NRXN3: variants seen among roughly 807,000 people sequenced by gnomAD.
The protein encoded by NRXN3 is neurexin 3, also known as neurexin III.
Under a neutral mutation model 137.6 loss-of-function variants are expected in NRXN3, and 32 were observed. The ratio of observed to expected loss-of-function variants is 0.23; its 90% confidence interval spans 0.18 to 0.31. The LOEUF (loss-of-function observed/expected upper bound fraction) is 0.31. NRXN3 is among the 10% of genes least tolerant of loss of function. The pLI is 1.00. For missense variants in NRXN3, 1,574 were observed against 2,062.5 expected (o/e 0.76, Z 4.59); for synonymous variants, 798 against 784.5 (o/e 1.02, Z -0.29).
intron 4 of NRXN3, among the ~76,000 whole-genome samples, chr14:78,484,601 G>A (rs1444831536): frequency 1.3e-5 from 2 of 152,288 alleles, no homozygotes; most frequent in Admixed American, 1.3e-4. Context: ...CTGCATATGA[G>A]GGAGTGGTAC....
At position 79,142,090 on chromosome 14, in the gene NRXN3, C is replaced by A. The variant is rs1476134383; in HGVS notation, c.3262+153949C>A. On this transcript the variant is annotated intron_variant, in intron 15 of 20. Coordinates refer to ENST00000335750, the MANE Select transcript of NRXN3 (RefSeq NM_001330195.2). ...ACGGAAAGCCCCCAAGTGAGGGTGCCATTTGAATTGAGTATAAAATGATGA... is the reference window on the plus strand; with the variant it reads ...ACGGAAAGCCCCCAAGTGAGGGTGCAATTTGAATTGAGTATAAAATGATGA... Among the ~76,000 whole-genome samples the A allele has an allele frequency of 3.9e-5, 6 of 152,076 alleles. No individual in the cohort carries two copies. The South Asian group carries it at 6.2e-4, about 16-fold the overall frequency.
chr14:79,364,588 G>T (rs2153423756), intron 15 of NRXN3, among the ~76,000 whole-genome samples: 1 of 151,994 alleles, frequency 6.6e-6, no homozygotes, highest in East Asian at 1.9e-4. Flanking sequence ...CCAAACAAAA[G>T]AAAAATTAAT....
chr14:78,871,023 T>A lies in NRXN3; in HGVS notation c.2275+60679T>A, dbSNP rs889814595. Among the ~76,000 whole-genome samples the A allele has an allele frequency of 2.0e-4, 30 of 150,434 alleles. 2 individuals are homozygous for A. Among genetic ancestry groups the A allele is most frequent in the Non-Finnish European group, 3.7e-4 (25 of 67,628 alleles). ...ATTGTAAATAGTGCTGTAATAAACA[T>A]GGGAGTGCAGATATCTCTTTGATAT... On this transcript the variant is annotated intron_variant, in intron 10 of 20. Coordinates refer to ENST00000335750, the MANE Select transcript of NRXN3 (RefSeq NM_001330195.2).
intron 19 of NRXN3, among the ~76,000 whole-genome samples, chr14:79,779,912 T>C (rs924905724): frequency 2.0e-5 from 3 of 152,184 alleles, no homozygotes; most frequent in African/African-American, 7.2e-5. Flanking sequence ...TTGTCCAGGC[T>C]GGAGTGCAGT....
At chr14:79,290,167 T>TA (rs1436612357) in intron 15 of NRXN3, among the ~76,000 whole-genome samples, 1 of 152,164 alleles carries the variant, frequency 6.6e-6, no homozygotes, top group Non-Finnish European at 1.5e-5. Context: ...TTTTGCTACA[T>TA]AAAAAACTAA....
At chr14:78,781,274 G>A (rs1270466979) in intron 8 of NRXN3, among the ~76,000 whole-genome samples, 3 of 152,140 alleles carry the variant, frequency 2.0e-5, no homozygotes, top group Non-Finnish European at 4.4e-5. Context: ...GCATGGACAT[G>A]ACGAATGTCC....
At chr14:79,666,611 C>A (rs1164507539) in intron 17 of NRXN3, among the ~76,000 whole-genome samples, 2 of 151,986 alleles carry the variant, frequency 1.3e-5, no homozygotes, top group Non-Finnish European at 2.9e-5. Context: ...TCCAATTGGG[C>A]AGTTTTCACT....
chr14:79,006,644 T>C (rs1298285262), intron 15 of NRXN3, among the ~76,000 whole-genome samples: 1 of 152,192 alleles, frequency 6.6e-6, no homozygotes. Flanking sequence ...CCTCTTTTTC[T>C]ATTATCCAGA....
At chr14:78,461,934 T>G (rs541255511) in intron 4 of NRXN3, among the ~76,000 whole-genome samples, 1 of 152,336 alleles carries the variant, frequency 6.6e-6, no homozygotes, top group East Asian at 1.9e-4. Context: ...TTTCTTCCAT[T>G]GAGCAGGCAG....
intron 15 of NRXN3, among the ~76,000 whole-genome samples, chr14:79,432,067 C>T (rs557875944): frequency 2.9e-4 from 44 of 152,100 alleles, no homozygotes; most frequent in South Asian, 2.3e-3. Context: ...CAATAATTAC[C>T]GAATTAATTA....
intron 8 of NRXN3, among the ~76,000 whole-genome samples, chr14:78,777,374 A>T (rs1188368267): frequency 6.6e-6 from 1 of 152,218 alleles, no homozygotes; most frequent in East Asian, 1.9e-4. Context: ...AAATACAGCT[A>T]ATATAAGTCG....
chr14:79,758,859 A>G (rs1473979981), intron 19 of NRXN3, among the ~76,000 whole-genome samples: 1 of 152,194 alleles, frequency 6.6e-6, no homozygotes, highest in Non-Finnish European at 1.5e-5. Context: ...TTGGTTTTCT[A>G]GCATGGGTTG....
At chr14:78,955,123 A>G (rs2099394523) in intron 10 of NRXN3, among the ~76,000 whole-genome samples, 1 of 152,222 alleles carries the variant, frequency 6.6e-6, no homozygotes, top group African/African-American at 2.4e-5. Flanking sequence ...CCGTACTTGT[A>G]GCAGTTCTGC....
chr14:79,394,135 T>G lies in NRXN3; in HGVS notation c.3263-73086T>G, dbSNP rs144737522. 8.1e-3 allele frequency among the ~76,000 whole-genome samples: 1,241 copies of G among 152,286 alleles called. 12 individuals carry two copies. The highest frequency in any genetic ancestry group is 0.028 in the African/African-American group (1,174 of 41,568). On this transcript the variant is annotated intron_variant, in intron 15 of 20. Coordinates refer to ENST00000335750, the MANE Select transcript of NRXN3 (RefSeq NM_001330195.2). Reference sequence around the variant, plus strand: ...AGAGAAATATAAAAATAAAAGATAGTGAAATCTTTTTAAAAATTGTGTTGA... The same window carrying G: ...AGAGAAATATAAAAATAAAAGATAGGGAAATCTTTTTAAAAATTGTGTTGA...
chr14:78,271,310 C>A (rs1439622287), intron 2 of NRXN3, among the ~76,000 whole-genome samples: 1 of 152,112 alleles, frequency 6.6e-6, no homozygotes, highest in Non-Finnish European at 1.5e-5. Context: ...GGATTGCATA[C>A]ATGCTTCTGG....
At chr14:79,513,104 C>A (rs1375833580) in intron 16 of NRXN3, among the ~76,000 whole-genome samples, 1 of 152,136 alleles carries the variant, frequency 6.6e-6, no homozygotes, top group East Asian at 1.9e-4. Context: ...GGTATAACCC[C>A]ATAAGGATGG....
chr14:78,216,651 G>T (rs571864538), intron 1 of NRXN3, among the ~76,000 whole-genome samples: 1 of 152,352 alleles, frequency 6.6e-6, no homozygotes, highest in Non-Finnish European at 1.5e-5. Context: ...ATAGCTTTAT[G>T]CATTAGTTTC....
chr14:79,844,371 T>G (rs192153441), intron 20 of NRXN3, among the ~76,000 whole-genome samples: 18 of 150,646 alleles, frequency 1.2e-4, no homozygotes, highest in African/African-American at 4.4e-4. Flanking sequence ...TTCTAACAAT[T>G]TTTTCAATTT....
chr14:78,342,899 C>A (rs1409435918), intron 4 of NRXN3, among the ~76,000 whole-genome samples: 1 of 152,104 alleles, frequency 6.6e-6, no homozygotes, highest in Non-Finnish European at 1.5e-5. Context: ...TTGTTCATTT[C>A]TTTATCTACT....
Sources: allele counts gnomAD v4.1 joint callset (sites outside exome capture counted in the v4.1 genomes callset), GRCh38; gene constraint gnomAD v4.1.1; transcripts MANE v1.5; gene names NCBI Gene and HGNC (gene_info 2026-07-23, HGNC 2026-07-21).